Variants in PTPRN2 observed in about 807,000 individuals in gnomAD.
PTPRN2 encodes the protein receptor-type tyrosine-protein phosphatase N2.
PTPRN2 carries 74 observed loss-of-function variants against 118.8 expected under a neutral mutation model. The observed-to-expected ratio is 0.62, with a 90% CI of 0.52 to 0.76. The LOEUF is 0.76. Ranked by LOEUF, PTPRN2 falls within the 30% of genes least tolerant of loss-of-function variation. PTPRN2 has a pLI of 0.00. For synonymous variants in PTPRN2, 641 were observed against 608.0 expected, an observed-to-expected ratio of 1.05 and a Z score of -0.80; for missense variants, 1,481 against 1,394.4, an observed-to-expected ratio of 1.06 and a Z score of -0.99.
intron 12 of PTPRN2, among the ~76,000 whole-genome samples, chr7:157,715,889 G>T (rs1798875403): frequency 6.6e-6 from 1 of 152,232 alleles, no homozygotes; most frequent in African/African-American, 2.4e-5. Flanking sequence ...ATGCTCCGGG[G>T]AGACACAGAT....
rs114994999 is a variant in PTPRN2 at position 158,280,951 on chromosome 7, C to T, written c.277+35868G>A. 2.0e-3 allele frequency among the ~76,000 whole-genome samples: 312 copies of T among 152,330 alleles called. 1 individual carries two copies. Among genetic ancestry groups the T allele is most frequent in the African/African-American group, 6.9e-3 (288 of 41,582 alleles). ...ACGGTGCTCTGGAAACATAGGCTAGCGAGAGTCTAAAGAGGTGGTGCAGGC... is the reference window on the plus strand; with the variant it reads ...ACGGTGCTCTGGAAACATAGGCTAGTGAGAGTCTAAAGAGGTGGTGCAGGC... On this transcript the variant is annotated intron_variant, in intron 3 of 22. Transcript: ENST00000389418.
intron 6 of PTPRN2, among the ~76,000 whole-genome samples, chr7:158,145,232 TTCC>T (rs1206812675): frequency 6.7e-6 from 1 of 148,514 alleles, no homozygotes; most frequent in African/African-American, 2.5e-5. Flanking sequence ...GGTGAGAAGG[TTCC>T]AGAATACCAC....
chr7:157,881,400 G>A lies in PTPRN2; in HGVS notation c.1788+17273C>T, dbSNP rs563702119. ...GGTGAGGACTTGAGGATGCAGAGAC[G>A]GCATCTGAAGCCCAGGAGAGAGGCC... On this transcript the variant is annotated intron_variant, in intron 12 of 22. Transcript: ENST00000389418. This position sits in a 1 kb window ranked among gnomAD's most constrained non-coding sequence, Gnocchi z 4.7. Among the ~76,000 whole-genome samples, 67 of 152,228 alleles carry A rather than the reference G, an allele frequency of 4.4e-4. No homozygotes were observed. Among genetic ancestry groups the A allele is most frequent in the African/African-American group, 8.2e-4 (34 of 41,538 alleles).
intron 6 of PTPRN2, among the ~76,000 whole-genome samples, chr7:158,149,166 C>G (rs990133361): frequency 6.6e-6 from 1 of 151,756 alleles, no homozygotes; most frequent in Non-Finnish European, 1.5e-5. Flanking sequence ...CAGTGACACC[C>G]CATCTCACGC....
intron 2 of PTPRN2, among the ~76,000 whole-genome samples, chr7:158,421,086 T>C (rs372084209): frequency 1.3e-5 from 2 of 152,330 alleles, no homozygotes; most frequent in South Asian, 2.1e-4. Context: ...GGACTGAGGA[T>C]TCCCGTACCC....
chr7:157,641,966 T>C (rs1171562641), intron 14 of PTPRN2, among the ~76,000 whole-genome samples: 1 of 152,078 alleles, frequency 6.6e-6, no homozygotes, highest in Non-Finnish European at 1.5e-5. Flanking sequence ...TGCCCTCTGC[T>C]TCCTGATGGA....
At chr7:158,092,187 T>C (rs1045931023) in intron 10 of PTPRN2, among the ~76,000 whole-genome samples, 3 of 150,886 alleles carry the variant, frequency 2.0e-5, no homozygotes, top group Non-Finnish European at 4.4e-5. Flanking sequence ...TATATACACA[T>C]ATACATGTAT....
chr7:158,342,395 CGT>C (rs1807062467), intron 2 of PTPRN2, among the ~76,000 whole-genome samples: 1 of 140,472 alleles, frequency 7.1e-6, no homozygotes, highest in Non-Finnish European at 1.5e-5. Flanking sequence ...CATCTGCAGA[CGT>C]CACTCACACC....
At chr7:158,527,346 C>T (rs986351455) in intron 1 of PTPRN2, among the ~76,000 whole-genome samples, 3 of 152,210 alleles carry the variant, frequency 2.0e-5, no homozygotes, top group African/African-American at 7.2e-5. Context: ...GGCCACAGCT[C>T]CCTGAAGACA....
At chr7:157,949,630 T>C (rs1476530605) in intron 11 of PTPRN2, among the ~76,000 whole-genome samples, 1 of 152,230 alleles carries the variant, frequency 6.6e-6, no homozygotes. Context: ...TATTTCTTCA[T>C]AGCAGTATAC....
rs62478065 is a variant in PTPRN2, at chr7:157,886,849, G to A, written c.1788+11824C>T. On this transcript the variant is annotated intron_variant, in intron 12 of 22. Coordinates refer to ENST00000389418, the MANE Select transcript of PTPRN2 (RefSeq NM_002847.5). ...CTATCCTGGGGCCATCGAGGTCTTC[G>A]TCACAGAGCCAAGCCCACCACGGTG... Among the ~76,000 whole-genome samples, 210 of 31,766 alleles carry A rather than the reference G, an allele frequency of 6.6e-3. 1 individual carries two copies. Among genetic ancestry groups the A allele is most frequent in the South Asian group, 0.016 (14 of 876 alleles). 20.8% of individuals were successfully genotyped at this position (31,766 alleles called of 152,430 possible).
chr7:157,696,264 A>C (rs1269769437), intron 12 of PTPRN2, among the ~76,000 whole-genome samples: 2 of 136,286 alleles, frequency 1.5e-5, no homozygotes, highest in Non-Finnish European at 3.2e-5. Flanking sequence ...TAGAGCCCTC[A>C]CCATCTACCC....
chr7:157,578,190 G>T (rs778927586), intron 17 of PTPRN2, 50 bp from the exon 18 acceptor site: 1 of 1,557,822 alleles, frequency 6.4e-7, no homozygotes, highest in Non-Finnish European at 8.7e-7. Flanking sequence ...TCATCACCGC[G>T]TGACATGTGT....
rs141262732 is a variant in PTPRN2 at position 158,264,609 on chromosome 7, C to G, written c.277+52210G>C. Among the ~76,000 whole-genome samples the G allele has an allele frequency of 3.1e-3, 472 of 152,230 alleles. 3 individuals are homozygous for G. Among genetic ancestry groups the G allele is most frequent in the African/African-American group, 0.011 (455 of 41,556 alleles). The stretch of plus-strand genomic sequence containing the variant: ...GCCCTTGCAACAGTCTAGGAAGAGA[C>G]TCACTGCCCCAGATTCACCTCGAGA... On this transcript the variant is annotated intron_variant, in intron 3 of 22. Transcript: ENST00000389418.
At chr7:158,356,509 A>G (rs1357914680) in intron 2 of PTPRN2, among the ~76,000 whole-genome samples, 2 of 152,122 alleles carry the variant, frequency 1.3e-5, no homozygotes, top group South Asian at 4.1e-4. Context: ...AGTTGAACAT[A>G]ATCAAAAACA....
chr7:157,648,928 A>T (rs1340630295), intron 14 of PTPRN2, among the ~76,000 whole-genome samples: 1 of 143,948 alleles, frequency 6.9e-6, no homozygotes, highest in African/African-American at 2.6e-5. Context: ...TGTGCACTGA[A>T]CTTGGTGGGT....
intron 3 of PTPRN2, among the ~76,000 whole-genome samples, chr7:158,296,675 C>T (rs546096216): frequency 2.1e-4 from 32 of 152,334 alleles, no homozygotes; most frequent in African/African-American, 7.5e-4. Flanking sequence ...CTGTATGCTC[C>T]CCTGCAGGTG....
At chr7:158,276,019 T>A (rs1410569722) in intron 3 of PTPRN2, among the ~76,000 whole-genome samples, 1 of 152,160 alleles carries the variant, frequency 6.6e-6, no homozygotes, top group African/African-American at 2.4e-5. Flanking sequence ...GCCCTCTGAC[T>A]CTGCTGCCTG....
intron 3 of PTPRN2, among the ~76,000 whole-genome samples, chr7:158,308,782 G>T (rs1180963063): frequency 1.3e-5 from 2 of 152,002 alleles, no homozygotes; most frequent in Non-Finnish European, 2.9e-5. Context: ...AATCAGGAAT[G>T]AAAAGACATT....
Sources: allele counts gnomAD v4.1 joint callset (sites outside exome capture counted in the v4.1 genomes callset), GRCh38; gene constraint gnomAD v4.1.1; non-coding constraint Gnocchi (gnomAD v3.1); transcripts MANE v1.5; gene names NCBI Gene and HGNC (gene_info 2026-07-23, HGNC 2026-07-21).